Variants in MIPEP observed in about 807,000 individuals in gnomAD.
MIPEP encodes the protein mitochondrial intermediate peptidase.
MIPEP carries 79 observed loss-of-function variants against 90.3 expected under a neutral mutation model. The observed-to-expected ratio is 0.87, with a 90% CI of 0.73 to 1.05. The LOEUF (loss-of-function observed/expected upper bound fraction) is 1.05, where lower values mean the gene tolerates loss of function less well. Among genes scored for constraint, MIPEP ranks in the 50% least tolerant of loss-of-function variants. The pLI, the probability that MIPEP is intolerant of heterozygous loss-of-function variation, is 0.00. For missense variants in MIPEP, 940 were observed against 905.6 expected (o/e 1.04, Z -0.49); for synonymous variants, 334 against 315.8 (o/e 1.06, Z -0.61).
intron 10 of MIPEP, among the ~76,000 whole-genome samples, chr13:23,855,837 A>G (rs1456480273): frequency 2.0e-5 from 3 of 152,258 alleles, no homozygotes. Flanking sequence ...CTAAAGCCCC[A>G]CATGGATATC....
chr13:23,850,352 A>G (rs1240789991), intron 10 of MIPEP, among the ~76,000 whole-genome samples: 2 of 152,226 alleles, frequency 1.3e-5, no homozygotes, highest in Non-Finnish European at 2.9e-5. Context: ...GAACTGAATG[A>G]TACTGGAAAC....
At chr13:23,888,670 G>T (rs750358302) in intron 1 of MIPEP, 54 of 981,262 alleles carry the variant, frequency 5.5e-5, no homozygotes, top group Non-Finnish European at 6.4e-5. Flanking sequence ...AGGTATTAAT[G>T]AAATTACCAT....
Position 23,837,698 on chromosome 13 carries a change from G to C in MIPEP, c.1397C>G (p.Pro466Arg). The change falls in exon 13 of 19, where the codon CCA becomes CGA. Residue 466 changes from proline to arginine, a missense_variant. By Grantham distance (103) the Pro-to-Arg change is moderately radical. Transcript: ENST00000382172. The part of the protein sequence containing the change: ...RLKEDGDYQL[P>R]VVVLMLNLPR... Reference sequence around the variant, plus strand: ...AAGATTCAGCATAAGAACTACAACTGGGAGTTGATAGTCTCCATCTTCCTT... The same window carrying C: ...AAGATTCAGCATAAGAACTACAACTCGGAGTTGATAGTCTCCATCTTCCTT... 2 of 1,614,016 alleles carry C rather than the reference G, an allele frequency of 1.2e-6. No individual in the cohort carries two copies. Among genetic ancestry groups the C allele is most frequent in the Non-Finnish European group, 1.7e-6 (2 of 1,179,880 alleles).
chr13:23,824,485 A>C (rs1203155153), intron 14 of MIPEP, among the ~76,000 whole-genome samples: 3 of 152,212 alleles, frequency 2.0e-5, no homozygotes, highest in Non-Finnish European at 2.9e-5. Flanking sequence ...TAATGACAGA[A>C]AACTTGTTGA....
chr13:23,805,986 TTG>T lies in MIPEP; in HGVS notation c.1810_1811del (p.Gln604ArgfsTer27). On this transcript the variant is annotated frameshift_variant, in exon 16 of 19. Transcript: ENST00000382172. LOFTEE classifies it high-confidence loss of function. ...NSTTDILKET[Q>X]EKFYGLPYVP... Reference sequence around the variant, plus strand: ...CATATGGTAGGCCATAGAATTTCTCTTGTGTTTCCTTGAGAATGTCTGTGGTT... The same window carrying T: ...CATATGGTAGGCCATAGAATTTCTCTTGTTTCCTTGAGAATGTCTGTGGTT... 2 of 1,613,876 alleles carry T rather than the reference TTG, an allele frequency of 1.2e-6. No individual in the cohort carries two copies. The highest frequency in any genetic ancestry group is 2.2e-5 in the South Asian group (2 of 91,062).
intron 16 of MIPEP, among the ~76,000 whole-genome samples, chr13:23,767,169 C>T (rs1952599542): frequency 6.6e-6 from 1 of 152,204 alleles, no homozygotes; most frequent in African/African-American, 2.4e-5. Context: ...GAGACTGCAG[C>T]CCTGCCAGCA....
chr13:23,806,074 A>G lies in MIPEP; in HGVS notation c.1729-5T>C. 6.2e-7 allele frequency: 1 copy of G among 1,613,722 alleles called. No homozygotes were observed. Among genetic ancestry groups the G allele is most frequent in the Non-Finnish European group, 8.5e-7 (1 of 1,179,896 alleles). On this transcript the variant is annotated splice_polypyrimidine_tract_variant and splice_region_variant and intron_variant, in intron 15 of 18. Transcript: ENST00000382172. ...ATCCAGAGTGGCATAAAAGACCTAGATAGATAAAAACATCTACTTAGTTTT... is the reference window on the plus strand; with the variant it reads ...ATCCAGAGTGGCATAAAAGACCTAGGTAGATAAAAACATCTACTTAGTTTT...
chr13:23,744,961 T>G (rs1451620385), intron 18 of MIPEP, among the ~76,000 whole-genome samples: 1 of 152,242 alleles, frequency 6.6e-6, no homozygotes, highest in Non-Finnish European at 1.5e-5. Flanking sequence ...TTAAGAATTT[T>G]GTTAAAGCTC....
intron 16 of MIPEP, among the ~76,000 whole-genome samples, chr13:23,781,972 A>G: frequency 6.6e-6 from 1 of 152,162 alleles, no homozygotes; most frequent in Non-Finnish European, 1.5e-5. Flanking sequence ...TTAGAGATCT[A>G]CAAAGAGACT....
chr13:23,879,071 G>A lies in MIPEP; in HGVS notation c.539+197C>T, dbSNP rs115729973. ...AAAAATAAATCAGGATCAGAGGGTA[G>A]AGTCTGACCCTGTGCAAAGATTTTG... On this transcript the variant is annotated intron_variant, in intron 4 of 18. Transcript: ENST00000382172. Among the ~76,000 whole-genome samples the A allele has an allele frequency of 5.3e-3, 809 of 152,314 alleles. 5 individuals carry two copies. Among genetic ancestry groups the A allele is most frequent in the African/African-American group, 0.018 (743 of 41,576 alleles).
chr13:23,805,453 T>C (rs1355017510), intron 16 of MIPEP, among the ~76,000 whole-genome samples: 6 of 152,202 alleles, frequency 3.9e-5, no homozygotes, highest in African/African-American at 1.4e-4. Context: ...CCCAAAGGAA[T>C]TAGATAGAGT....
chr13:23,817,691 G>A (rs1953257018), intron 14 of MIPEP, among the ~76,000 whole-genome samples: 1 of 152,176 alleles, frequency 6.6e-6, no homozygotes, highest in African/African-American at 2.4e-5. Context: ...CTGCAGGTGT[G>A]TAACGTCGGG....
At chr13:23,813,600 T>C (rs1291660607) in intron 14 of MIPEP, among the ~76,000 whole-genome samples, 1 of 152,126 alleles carries the variant, frequency 6.6e-6, no homozygotes, top group Non-Finnish European at 1.5e-5. Context: ...ATATAAAATA[T>C]ACCTATCTCT....
rs547674834 is a variant in MIPEP at position 23,839,067 on chromosome 13, C to T, written c.1338+582G>A. Among the ~76,000 whole-genome samples the T allele has an allele frequency of 1.4e-4, 22 of 152,374 alleles. No individual in the cohort carries two copies. The East Asian group carries it at 4.0e-3, about 28-fold the overall frequency. Reference sequence around the variant, plus strand: ...ACATGAAACTGCTAAAGCTGACTGGCTGTCAAAGTCGGCCAATGCTAAAGA... The same window carrying T: ...ACATGAAACTGCTAAAGCTGACTGGTTGTCAAAGTCGGCCAATGCTAAAGA... On this transcript the variant is annotated intron_variant, in intron 12 of 18. Coordinates refer to ENST00000382172, the MANE Select transcript of MIPEP (RefSeq NM_005932.4).
intron 16 of MIPEP, among the ~76,000 whole-genome samples, chr13:23,773,913 A>C (rs923399100): frequency 6.6e-6 from 1 of 152,198 alleles, no homozygotes; most frequent in Non-Finnish European, 1.5e-5. Flanking sequence ...TAAAATTAAA[A>C]AATTTGTCCC....
intron 14 of MIPEP, among the ~76,000 whole-genome samples, chr13:23,827,326 T>G (rs1165407168): frequency 2.0e-5 from 3 of 152,196 alleles, no homozygotes; most frequent in Non-Finnish European, 2.9e-5. Context: ...CTGAAGAACT[T>G]GGCTCAAATT....
chr13:23,847,987 C>G (rs1443208434), intron 10 of MIPEP, among the ~76,000 whole-genome samples: 1 of 152,200 alleles, frequency 6.6e-6, no homozygotes, highest in African/African-American at 2.4e-5. Flanking sequence ...GTTCGTTTTA[C>G]TTGAGGAATC....
At chr13:23,839,856 C>A in intron 11 of MIPEP, 130 bp from the exon 12 acceptor site, 2 of 571,196 alleles carry the variant, frequency 3.5e-6, no homozygotes, top group East Asian at 2.9e-5. Flanking sequence ...CTACACCCCA[C>A]ATTATCTCGA....
chr13:23,773,066 C>T (rs1276965385), intron 16 of MIPEP, among the ~76,000 whole-genome samples: 1 of 152,220 alleles, frequency 6.6e-6, no homozygotes, highest in Non-Finnish European at 1.5e-5. Context: ...GTGCAACCAT[C>T]GTCACTAACT....
Sources: gnomAD v4.1 joint callset for allele counts (sites outside exome capture counted in the v4.1 genomes callset) on GRCh38, gnomAD v4.1.1 for gene constraint, MANE v1.5 for transcripts, NCBI Gene and HGNC (gene_info 2026-07-23, HGNC 2026-07-21) for gene names.